Variants in CFAP54 observed in about 807,000 individuals in gnomAD.
CFAP54 encodes the protein cilia and flagella associated protein 54.
CFAP54 carries 290 observed loss-of-function variants against 370.4 expected under a neutral mutation model. The observed-to-expected ratio is 0.78, with a 90% CI of 0.71 to 0.86. The LOEUF (loss-of-function observed/expected upper bound fraction) is 0.86, where lower values mean the gene tolerates loss of function less well. Ranked by LOEUF, CFAP54 falls within the 40% of genes least tolerant of loss-of-function variation. The pLI is 0.00. For synonymous variants in CFAP54, 1,206 were observed against 1,236.5 expected, an observed-to-expected ratio of 0.98 and a Z score of 0.52; for missense variants, 3,399 against 3,528.7, an observed-to-expected ratio of 0.96 and a Z score of 0.93.
chr12:96,739,590 T>C (rs1014498082), intron 50 of CFAP54, among the ~76,000 whole-genome samples: 15 of 152,208 alleles, frequency 9.9e-5, no homozygotes, highest in Non-Finnish European at 1.9e-4. Flanking sequence ...TTTATTAAAA[T>C]GAGATTGCCA....
chr12:96,616,134 T>A (rs536991427), intron 26 of CFAP54, among the ~76,000 whole-genome samples: 11 of 152,204 alleles, frequency 7.2e-5, no homozygotes, highest in Middle Eastern at 3.4e-3. Flanking sequence ...CAATGATAGA[T>A]TGGATTAAGA....
chr12:96,780,969 C>T (rs1035476312), intron 60 of CFAP54, among the ~76,000 whole-genome samples: 1 of 152,056 alleles, frequency 6.6e-6, no homozygotes, highest in East Asian at 1.9e-4. Flanking sequence ...TTTTGGTGAA[C>T]TTTTTTAAAA....
intron 26 of CFAP54, among the ~76,000 whole-genome samples, chr12:96,606,834 C>T (rs1295596002): frequency 6.6e-6 from 1 of 152,180 alleles, no homozygotes; most frequent in African/African-American, 2.4e-5. Context: ...CAAAGACCAG[C>T]ATTGTGTGGT....
In CFAP54 at chr12:96,664,717, A is replaced by G. The variant is rs1287225979; in HGVS notation, c.5563+785A>G. Among the ~76,000 whole-genome samples the G allele has an allele frequency of 9.6e-4, 7 of 7,256 alleles. 2 individuals carry two copies. Among genetic ancestry groups the G allele is most frequent in the Non-Finnish European group, 1.5e-3 (5 of 3,414 alleles). 4.8% of individuals were successfully genotyped at this position (7,256 alleles called of 152,430 possible). The stretch of plus-strand genomic sequence containing the variant: ...TATATCTATATATATATATATATCT[A>G]TATATATCTATATATATATATCTAT... On this transcript the variant is annotated intron_variant, in intron 39 of 67. Coordinates refer to ENST00000524981, the MANE Select transcript of CFAP54 (RefSeq NM_001306084.2).
intron 62 of CFAP54, among the ~76,000 whole-genome samples, chr12:96,790,168 A>G (rs919537235): frequency 1.3e-5 from 2 of 152,172 alleles, no homozygotes; most frequent in Non-Finnish European, 2.9e-5. Context: ...CCCAAAAAGA[A>G]TATGATTAAA....
chr12:96,752,085 T>TAAGAGA (rs1378500964), intron 55 of CFAP54, among the ~76,000 whole-genome samples: 1 of 90,568 alleles, frequency 1.1e-5, no homozygotes, highest in African/African-American at 3.9e-5. Context: ...TCTTCCTGGA[T>TAAGAGA]GAGAGAGAGA....
chr12:96,724,448 G>T (rs1342586197), intron 50 of CFAP54, among the ~76,000 whole-genome samples: 2 of 152,180 alleles, frequency 1.3e-5, no homozygotes, highest in Admixed American at 6.5e-5. Flanking sequence ...ATTTTTTCAG[G>T]TGTCTTTTGG....
chr12:96,586,275 G>T (rs761142806), intron 22 of CFAP54, among the ~76,000 whole-genome samples: 1 of 152,128 alleles, frequency 6.6e-6, no homozygotes, highest in Admixed American at 6.5e-5. Context: ...TGAGGCCCAG[G>T]GACCATACTT....
At chr12:96,537,642 A>G (rs534271032) in intron 12 of CFAP54, among the ~76,000 whole-genome samples, 159 of 152,236 alleles carry the variant, frequency 1.0e-3, no homozygotes, top group South Asian at 8.1e-3. Context: ...GCGCCTGTCC[A>G]ATTCCTTATT....
chr12:96,659,083 G>A (rs1458346568), intron 38 of CFAP54, among the ~76,000 whole-genome samples: 2 of 152,082 alleles, frequency 1.3e-5, no homozygotes, highest in African/African-American at 4.8e-5. Context: ...GCAATGGCAC[G>A]GTCTCGGCTC....
intron 66 of CFAP54, among the ~76,000 whole-genome samples, chr12:96,833,961 A>C (rs992726455): frequency 6.6e-6 from 1 of 152,170 alleles, no homozygotes; most frequent in African/African-American, 2.4e-5. Flanking sequence ...ACACTGATAC[A>C]TAGGAAAATT....
intron 48 of CFAP54, among the ~76,000 whole-genome samples, chr12:96,712,034 C>T (rs1180102378): frequency 6.6e-6 from 1 of 152,148 alleles, no homozygotes; most frequent in Non-Finnish European, 1.5e-5. Flanking sequence ...CTACCCTCTT[C>T]ATAGATCATT....
chr12:96,731,097 T>C (rs1374711673), intron 50 of CFAP54, among the ~76,000 whole-genome samples: 1 of 152,204 alleles, frequency 6.6e-6, no homozygotes, highest in Non-Finnish European at 1.5e-5. Context: ...ACACTGATGC[T>C]GCAGAAGCAA....
intron 66 of CFAP54, among the ~76,000 whole-genome samples, chr12:96,856,938 G>T (rs1321888044): frequency 6.6e-6 from 1 of 152,190 alleles, no homozygotes; most frequent in African/African-American, 2.4e-5. Context: ...GTAAAGAAAA[G>T]AGGTTTAATA....
chr12:96,720,944 C>T (rs938748653), intron 50 of CFAP54, among the ~76,000 whole-genome samples: 5 of 151,504 alleles, frequency 3.3e-5, no homozygotes, highest in South Asian at 4.2e-4. Context: ...CACTTGAGCC[C>T]GGGAGGCAGA....
chr12:96,566,085 T>G (rs1456313313), intron 19 of CFAP54, among the ~76,000 whole-genome samples: 1 of 152,178 alleles, frequency 6.6e-6, no homozygotes, highest in East Asian at 1.9e-4. Context: ...ATTGTAACTT[T>G]CCCAAGGCCT....
rs564575656 is a variant in CFAP54 at position 96,700,754 on chromosome 12, G to A, written c.6474+661G>A. ...TTCATGGTGGTCTGGGAATCACTGGGTGATCATGCTTCAGGCAGATGCTTG... is the reference window on the plus strand; with the variant it reads ...TTCATGGTGGTCTGGGAATCACTGGATGATCATGCTTCAGGCAGATGCTTG... On this transcript the variant is annotated intron_variant, in intron 46 of 67. Transcript: ENST00000524981. 1.1e-3 allele frequency among the ~76,000 whole-genome samples: 160 copies of A among 152,218 alleles called. 1 individual carries two copies. Among genetic ancestry groups the A allele is most frequent in the African/African-American group, 3.6e-3 (148 of 41,526 alleles).
intron 34 of CFAP54, among the ~76,000 whole-genome samples, chr12:96,648,904 A>T (rs12371375): frequency 0.096 from 14,630 of 152,106 alleles, 858 homozygotes; most frequent in South Asian, 0.24. Flanking sequence ...AGGGTTCTTG[A>T]TCAGGGTGTG....
chr12:96,866,392 A>G (rs1960006425), intron 67 of CFAP54, among the ~76,000 whole-genome samples: 1 of 152,166 alleles, frequency 6.6e-6, no homozygotes, highest in Non-Finnish European at 1.5e-5. Flanking sequence ...CATAACCTGT[A>G]ATATATAAAC....
Sources: gnomAD v4.1 joint callset for allele counts (sites outside exome capture counted in the v4.1 genomes callset) on GRCh38, gnomAD v4.1.1 for gene constraint, MANE v1.5 for transcripts, NCBI Gene and HGNC (gene_info 2026-07-23, HGNC 2026-07-21) for gene names.